The following GRM8 variants were observed in gnomAD, a reference collection of about 807,000 sequenced individuals.
The protein encoded by GRM8 is glutamate metabotropic receptor 8.
GRM8 carries 47 observed loss-of-function variants against 87.2 expected under a neutral mutation model. The observed-to-expected ratio is 0.54, with a 90% confidence interval of 0.43 to 0.69. The LOEUF (loss-of-function observed/expected upper bound fraction) is 0.69. GRM8 is among the 30% of genes least tolerant of loss of function. The pLI, the probability that GRM8 is intolerant of heterozygous loss-of-function variation, is 0.00. For synonymous variants in GRM8, 396 were observed against 404.5 expected (o/e 0.98, Z 0.25); for missense variants, 1,019 against 1,139.2 (o/e 0.89, Z 1.52).
intron 2 of GRM8, among the ~76,000 whole-genome samples, chr7:127,209,611 C>T (rs1024182030): frequency 7.2e-5 from 11 of 151,862 alleles, no homozygotes; most frequent in African/African-American, 1.9e-4. Flanking sequence ...CTAAGACTGG[C>T]GGGGAAAAGG....
intron 3 of GRM8, among the ~76,000 whole-genome samples, chr7:127,039,503 C>T (rs1818150047): frequency 3.3e-5 from 5 of 151,640 alleles, no homozygotes. Context: ...TTGTGGTAGT[C>T]CCAGCAGACT....
intron 3 of GRM8, among the ~76,000 whole-genome samples, chr7:127,069,871 G>A (rs1308415641): frequency 1.3e-5 from 2 of 152,108 alleles, no homozygotes; most frequent in African/African-American, 4.8e-5. Context: ...AACTGGCAGG[G>A]ATTTTCTGAG....
At chr7:127,218,900 T>C (rs1195215657) in intron 2 of GRM8, among the ~76,000 whole-genome samples, 1 of 152,248 alleles carries the variant, frequency 6.6e-6, no homozygotes, top group Non-Finnish European at 1.5e-5. Flanking sequence ...AATGGTTCTG[T>C]CTGTCATTAT....
intron 7 of GRM8, among the ~76,000 whole-genome samples, chr7:126,766,781 G>A (rs1818247277): frequency 6.6e-6 from 1 of 152,080 alleles, no homozygotes; most frequent in African/African-American, 2.4e-5. Context: ...TGCACTTTTG[G>A]TGTTAGGGAG....
chr7:126,591,977 C>T lies in GRM8; in HGVS notation c.1494+17385G>A, dbSNP rs543739334. 1.3e-4 allele frequency among the ~76,000 whole-genome samples: 20 copies of T among 151,638 alleles called. No homozygotes were observed. The East Asian group carries it at 2.1e-3, about 16-fold the overall frequency. ...ATTGTGAGGGTACAATGAACAATTA[C>T]GTGCAAACAAATAGAAAAACTCAGA... On this transcript the variant is annotated intron_variant, in intron 8 of 10. Transcript: ENST00000339582.
intron 2 of GRM8, among the ~76,000 whole-genome samples, chr7:127,182,254 T>C (rs572286411): frequency 6.6e-6 from 1 of 152,170 alleles, no homozygotes; most frequent in South Asian, 2.1e-4. Flanking sequence ...ATGCTCAACA[T>C]CACTAATGAT....
intron 9 of GRM8, among the ~76,000 whole-genome samples, chr7:126,529,874 G>A (rs1291992450): frequency 1.3e-5 from 2 of 152,082 alleles, no homozygotes; most frequent in African/African-American, 2.4e-5. Flanking sequence ...ATGCCTCAGT[G>A]GTCTACCCTT....
chr7:127,214,931 A>G (rs983074824), intron 2 of GRM8, among the ~76,000 whole-genome samples: 1 of 152,106 alleles, frequency 6.6e-6, no homozygotes, highest in East Asian at 1.9e-4. Flanking sequence ...TTTCAAATCC[A>G]TCTTTTATTT....
At chr7:126,865,365 G>C (rs937865567) in intron 6 of GRM8, among the ~76,000 whole-genome samples, 1 of 152,046 alleles carries the variant, frequency 6.6e-6, no homozygotes, top group Non-Finnish European at 1.5e-5. Flanking sequence ...TCATCCTTAG[G>C]CTTTATTCTT....
rs186587309 is a variant in GRM8 at position 126,886,882 on chromosome 7, C to T, written c.1156+15660G>A. On this transcript the variant is annotated intron_variant, in intron 6 of 10. Coordinates refer to ENST00000339582, the MANE Select transcript of GRM8 (RefSeq NM_000845.3). Reference sequence around the variant, plus strand: ...TTAAACCTTAGATGTCTATCTAGTGCTTATTCTGAGTGGCAATGAAATAAT... The same window carrying T: ...TTAAACCTTAGATGTCTATCTAGTGTTTATTCTGAGTGGCAATGAAATAAT... 1.1e-3 allele frequency among the ~76,000 whole-genome samples: 171 copies of T among 152,038 alleles called. 1 individual carries two copies. The highest frequency in any genetic ancestry group is 4.0e-3 in the African/African-American group (164 of 41,496).
chr7:126,763,464 T>TAA, intron 7 of GRM8, among the ~76,000 whole-genome samples: 2 of 77,276 alleles, frequency 2.6e-5, no homozygotes, highest in East Asian at 6.1e-4. Context: ...TATATATATA[T>TAA]ATATATATAC....
rs955840579 is a variant in GRM8 at position 126,567,630 on chromosome 7, C to A, written c.1495-33743G>T. ...TACAACAGTTTTTTAATTGTGTATGCTTTTAGTGGTAAATAAATTAGCTCT... is the reference window on the plus strand; with the variant it reads ...TACAACAGTTTTTTAATTGTGTATGATTTTAGTGGTAAATAAATTAGCTCT... On this transcript the variant is annotated intron_variant, in intron 8 of 10. Coordinates refer to ENST00000339582, the MANE Select transcript of GRM8 (RefSeq NM_000845.3). 6.6e-5 allele frequency among the ~76,000 whole-genome samples: 10 copies of A among 151,888 alleles called. 1 individual carries two copies. Among genetic ancestry groups the A allele is most frequent in the Non-Finnish European group, 1.5e-4 (10 of 67,938 alleles).
At chr7:127,190,381 T>C (rs963237742) in intron 2 of GRM8, among the ~76,000 whole-genome samples, 1 of 151,938 alleles carries the variant, frequency 6.6e-6, no homozygotes, top group Non-Finnish European at 1.5e-5. Flanking sequence ...CCATCTCTAC[T>C]AAAAATACAA....
At chr7:126,646,908 G>C (rs1803166619) in intron 7 of GRM8, among the ~76,000 whole-genome samples, 2 of 152,130 alleles carry the variant, frequency 1.3e-5, no homozygotes, top group South Asian at 2.1e-4. Flanking sequence ...CAGAGGAAGA[G>C]AGATGGTTGT....
chr7:126,776,586 T>A (rs1819500806), intron 6 of GRM8, among the ~76,000 whole-genome samples: 1 of 152,208 alleles, frequency 6.6e-6, no homozygotes, highest in Non-Finnish European at 1.5e-5. Context: ...TTTAGAGTAA[T>A]CACATACCAA....
intron 6 of GRM8, chr7:126,869,477 T>C (rs1798896235): frequency 6.6e-6 from 1 of 152,240 alleles, no homozygotes; most frequent in South Asian, 2.1e-4. Flanking sequence ...ATGGGAGCTA[T>C]AGCCTTATGA....
At chr7:126,529,006 T>C (rs1455917042) in intron 9 of GRM8, among the ~76,000 whole-genome samples, 1 of 152,346 alleles carries the variant, frequency 6.6e-6, no homozygotes, top group Non-Finnish European at 1.5e-5. Flanking sequence ...AGTATCTCAA[T>C]AGTTGCATCA....
intron 7 of GRM8, among the ~76,000 whole-genome samples, chr7:126,654,337 C>G (rs1286994097): frequency 6.6e-6 from 1 of 152,186 alleles, no homozygotes; most frequent in Non-Finnish European, 1.5e-5. Flanking sequence ...CCTCTCTGGG[C>G]TTTCATTTCT....
intron 7 of GRM8, among the ~76,000 whole-genome samples, chr7:126,614,103 G>A (rs1395505930): frequency 6.6e-6 from 1 of 152,202 alleles, no homozygotes; most frequent in African/African-American, 2.4e-5. Flanking sequence ...TGACCTCCAA[G>A]TAGCCTAACT....
Sources: gnomAD v4.1 joint callset for allele counts (sites outside exome capture counted in the v4.1 genomes callset) on GRCh38, gnomAD v4.1.1 for gene constraint, MANE v1.5 for transcripts, NCBI Gene and HGNC (gene_info 2026-07-23, HGNC 2026-07-21) for gene names.